RANBP17: variants seen among roughly 807,000 people sequenced by gnomAD.
The protein encoded by RANBP17 is RAN binding protein 17.
In RANBP17, 158 loss-of-function variants were observed where a neutral mutation model predicts 141.2. The observed-to-expected ratio is 1.12, with a 90% CI of 0.98 to 1.28. RANBP17 has a LOEUF of 1.28. Among genes scored for constraint, RANBP17 ranks in the 50% most tolerant of loss-of-function variants. RANBP17 has a pLI of 0.00. For synonymous variants in RANBP17, 430 were observed against 450.0 expected (o/e 0.96, Z 0.56); for missense variants, 1,438 against 1,290.7 (o/e 1.11, Z -1.75).
At chr5:171,219,633 A>G (rs900247469) in intron 21 of RANBP17, among the ~76,000 whole-genome samples, 2 of 151,044 alleles carry the variant, frequency 1.3e-5, no homozygotes, top group African/African-American at 4.9e-5. Flanking sequence ...ACTTTATTTC[A>G]TTAAGTTGAT....
chr5:171,292,936 G>T lies in RANBP17; in HGVS notation c.2944-947G>T, dbSNP rs377268043. On this transcript the variant is annotated intron_variant, in intron 25 of 27. Transcript: ENST00000523189. ...GATGAAATCCAGATTCCTCAGCAGG[G>T]TCTTCCAGTCTGGCACTGGCGTCTC... is the stretch of plus-strand genomic sequence containing the variant. Among the ~76,000 whole-genome samples the T allele has an allele frequency of 1.3e-3, 196 of 152,248 alleles. 8 individuals are homozygous for T. The South Asian group carries it at 0.039, about 30-fold the overall frequency.
At chr5:171,267,336 A>T (rs1766788875) in intron 25 of RANBP17, among the ~76,000 whole-genome samples, 1 of 151,710 alleles carries the variant, frequency 6.6e-6, no homozygotes, top group South Asian at 2.1e-4. Flanking sequence ...GAGCCACTGC[A>T]CCTAGCCCTA....
chr5:170,918,750 G>T lies in RANBP17; in HGVS notation c.992G>T (p.Arg331Leu), dbSNP rs764213241. The change falls in exon 10 of 28, where the codon CGA becomes CTA. Residue 331 changes from arginine to leucine, a missense_variant. Arg to Leu is a moderately radical substitution (Grantham distance 102). Coordinates refer to ENST00000523189, the MANE Select transcript of RANBP17 (RefSeq NM_022897.5). ...CCAGGTAATTATCATGAATTTTGTC[G>T]ATTTTTGGCTCGTTTAAAGACAAAT... ...SDPGNYHEFCRFLARLKTNYQ... is the reference protein window; with the variant it reads ...SDPGNYHEFCLFLARLKTNYQ... 1.9e-6 allele frequency: 3 copies of T among 1,606,250 alleles called. No homozygotes were observed. The highest frequency in any genetic ancestry group is 2.3e-5 in the East Asian group (1 of 44,208).
At chr5:171,219,146 A>G (rs989475734) in intron 21 of RANBP17, among the ~76,000 whole-genome samples, 2 of 152,178 alleles carry the variant, frequency 1.3e-5, no homozygotes, top group South Asian at 2.1e-4. Flanking sequence ...TTCTTTGCTT[A>G]TGAAGCTTAG....
intron 14 of RANBP17, among the ~76,000 whole-genome samples, chr5:171,147,625 AG>A (rs1387776441): frequency 6.6e-6 from 1 of 152,112 alleles, no homozygotes; most frequent in Non-Finnish European, 1.5e-5. Context: ...CATTTTGGCC[AG>A]GCTAGTCTTG....
intron 25 of RANBP17, chr5:171,284,790 AT>A (rs1768058074): frequency 6.6e-6 from 1 of 152,228 alleles, no homozygotes; most frequent in African/African-American, 2.4e-5. Context: ...CTCATTTTGA[AT>A]TTCTTGCAGT....
At chr5:171,203,954 A>G (rs961765510) in intron 19 of RANBP17, among the ~76,000 whole-genome samples, 10 of 152,206 alleles carry the variant, frequency 6.6e-5, no homozygotes, top group Admixed American at 5.2e-4. Flanking sequence ...AAGGCTTCTT[A>G]GAAGATGTAT....
At chr5:171,076,001 A>G (rs949240957) in intron 14 of RANBP17, among the ~76,000 whole-genome samples, 1 of 152,192 alleles carries the variant, frequency 6.6e-6, no homozygotes, top group Non-Finnish European at 1.5e-5. Flanking sequence ...CTTATATGGT[A>G]TGTGGATTAT....
chr5:170,942,379 A>G (rs1561914318), intron 12 of RANBP17, among the ~76,000 whole-genome samples: 2 of 152,218 alleles, frequency 1.3e-5, no homozygotes, highest in South Asian at 2.1e-4. Context: ...ATCAATATGA[A>G]GATGAATAAA....
chr5:171,283,332 G>A (rs912019040), intron 25 of RANBP17, among the ~76,000 whole-genome samples: 3 of 152,202 alleles, frequency 2.0e-5, no homozygotes, highest in Admixed American at 1.3e-4. Flanking sequence ...TTGACACAGA[G>A]CCTTGCCCAA....
intron 14 of RANBP17, among the ~76,000 whole-genome samples, chr5:171,013,588 A>G (rs370174834): frequency 7.4e-4 from 112 of 152,120 alleles, no homozygotes; most frequent in African/African-American, 2.6e-3. Context: ...ATATGTGTAG[A>G]TCTTTTTCTG....
At chr5:171,104,777 G>C (rs1754662889) in intron 14 of RANBP17, among the ~76,000 whole-genome samples, 1 of 152,198 alleles carries the variant, frequency 6.6e-6, no homozygotes, top group South Asian at 2.1e-4. Flanking sequence ...TGTGAGGATA[G>C]AGATAATATG....
intron 14 of RANBP17, among the ~76,000 whole-genome samples, chr5:171,033,948 A>G (rs919612046): frequency 1.3e-5 from 2 of 152,120 alleles, no homozygotes; most frequent in African/African-American, 4.8e-5. Context: ...CTCTGCTAAA[A>G]ATAAAAATAA....
At chr5:171,096,700 G>T (rs1407549706) in intron 14 of RANBP17, among the ~76,000 whole-genome samples, 1 of 152,104 alleles carries the variant, frequency 6.6e-6, no homozygotes, top group East Asian at 1.9e-4. Context: ...TACAGAGAAA[G>T]AATAAATTTA....
At chr5:171,149,612 C>T (rs1229529261) in intron 14 of RANBP17, among the ~76,000 whole-genome samples, 1 of 152,162 alleles carries the variant, frequency 6.6e-6, no homozygotes, top group African/African-American at 2.4e-5. Flanking sequence ...ATTTATGGTA[C>T]TTTCTTTGTT....
chr5:171,174,832 G>T (rs1581791757), intron 16 of RANBP17, among the ~76,000 whole-genome samples: 1 of 147,168 alleles, frequency 6.8e-6, no homozygotes, highest in East Asian at 2.1e-4. Flanking sequence ...TTAAGTTCTG[G>T]GATACATGTG....
rs553745757 is a variant in RANBP17, at chr5:170,865,977, C to T, written c.18+3926C>T. ...ATATGGCAATATGCACTAATTATTG[C>T]AAACTGGGTGAGCTCACCTAGACTT... On this transcript the variant is annotated intron_variant, in intron 1 of 27. Transcript: ENST00000523189. 3.3e-5 allele frequency among the ~76,000 whole-genome samples: 5 copies of T among 152,262 alleles called. No homozygotes were observed. The South Asian group carries it at 6.2e-4, about 19-fold the overall frequency.
intron 14 of RANBP17, among the ~76,000 whole-genome samples, chr5:171,038,401 G>T (rs1448144178): frequency 6.6e-6 from 1 of 151,990 alleles, no homozygotes; most frequent in South Asian, 2.1e-4. Flanking sequence ...GGCCAAGAGA[G>T]ATAGTTTGAC....
In RANBP17 at chr5:171,254,658, A is replaced by C. The variant is rs1030679237; in HGVS notation, c.2777-11023A>C. 8.1e-4 allele frequency among the ~76,000 whole-genome samples: 123 copies of C among 152,190 alleles called. 2 individuals are homozygous for C. The highest frequency in any genetic ancestry group is 6.8e-4 in the Non-Finnish European group (46 of 68,042). ...GTAATATATGTACATAATATATGTA[A>C]ACCATTGCAGTTTTTTTGGACACTT... On this transcript the variant is annotated intron_variant, in intron 24 of 27. Coordinates refer to ENST00000523189, the MANE Select transcript of RANBP17 (RefSeq NM_022897.5).
Sources: gnomAD v4.1 joint callset for allele counts (sites outside exome capture counted in the v4.1 genomes callset) on GRCh38, gnomAD v4.1.1 for gene constraint, MANE v1.5 for transcripts, NCBI Gene and HGNC (gene_info 2026-07-23, HGNC 2026-07-21) for gene names.